Variants in COX15 observed in about 807,000 individuals in gnomAD.
The protein encoded by COX15 is cytochrome c oxidase assembly factor COX15, also known as heme A synthase COX15.
COX15 carries 51 observed loss-of-function variants against 51.9 expected under a neutral mutation model. That is an observed-to-expected ratio of 0.98 (90% CI 0.78 to 1.24). The LOEUF is 1.24. Among genes scored for constraint, COX15 ranks in the 50% most tolerant of loss-of-function variants. The pLI, the probability that COX15 is intolerant of heterozygous loss-of-function variation, is 0.00. For synonymous variants in COX15, 188 were observed against 190.5 expected, an observed-to-expected ratio of 0.99 and a Z score of 0.11; for missense variants, 420 against 501.1, an observed-to-expected ratio of 0.84 and a Z score of 1.55.
rs2036407077 is a variant in COX15 at position 99,712,010 on chromosome 10, G to C, written c.*2577C>G. 1 of 279,682 alleles carries C rather than the reference G, an allele frequency of 3.6e-6. No homozygotes were observed. The allele number at this position is 279,682 out of a possible 1,614,324, so 17.3% of individuals were successfully genotyped here. On this transcript the variant is annotated 3_prime_UTR_variant, in exon 9 of 9. Coordinates refer to ENST00000016171, the MANE Select transcript of COX15 (RefSeq NM_078470.6). The stretch of plus-strand genomic sequence containing the variant: ...ATGGTGAGAGAGAGCAAGCGAGAGA[G>C]GAGGAAGTTCCAGGCTCTTTTAAAC...
At position 99,720,459 on chromosome 10, in the gene COX15, A is replaced by G. The variant is rs935017562; in HGVS notation, c.832+528T>C. On this transcript the variant is annotated intron_variant, in intron 6 of 8. Coordinates refer to ENST00000016171, the MANE Select transcript of COX15 (RefSeq NM_078470.6). Reference sequence around the variant, plus strand: ...AGACTCAGTCTCAAAAAAAAGAATGAAAAAATCCTGTGTTGGTCTCTCTGT... The same window carrying G: ...AGACTCAGTCTCAAAAAAAAGAATGGAAAAATCCTGTGTTGGTCTCTCTGT... Among the ~76,000 whole-genome samples the G allele has an allele frequency of 9.9e-5, 15 of 152,270 alleles. No individual in the cohort carries two copies. In the East Asian group the frequency reaches 1.5e-3, roughly 16 times the overall value.
At chr10:99,709,753 A>G (rs73345141), downstream of COX15, 6,060 of 985,130 alleles carry the variant, frequency 6.2e-3, 260 homozygotes, top group African/African-American at 0.092. Context: ...TATCTTCCTT[A>G]TATCCTAATA....
At chr10:99,718,647 A>G in intron 6 of COX15, 147 bp from the exon 7 acceptor site, 1 of 823,166 alleles carries the variant, frequency 1.2e-6, no homozygotes, top group Non-Finnish European at 2.0e-6. Flanking sequence ...GGAGTTCTCC[A>G]ACAGAGAAGA....
chr10:99,698,554 G>A, the COX15 span: 2 of 1,613,944 alleles, frequency 1.2e-6, no homozygotes, highest in South Asian at 1.1e-5. Flanking sequence ...CAGAAGACAG[G>A]TCTGAGTCCC....
chr10:99,706,502 ATTT>A (rs1343712018), downstream of COX15, among the ~76,000 whole-genome samples: 1 of 42,632 alleles, frequency 2.3e-5, no homozygotes, highest in East Asian at 5.3e-4. Context: ...CACTCAGCTA[ATTT>A]TTTATTTTAT....
intron 6 of COX15, among the ~76,000 whole-genome samples, chr10:99,720,433 G>A (rs1280823605): frequency 6.6e-6 from 1 of 152,122 alleles, no homozygotes; most frequent in Admixed American, 6.6e-5. Context: ...GCAACAGAGT[G>A]AGACTCAGTC....
chr10:99,704,800 G>A, the COX15 span: 5 of 946,418 alleles, frequency 5.3e-6, no homozygotes, highest in East Asian at 7.9e-5. Flanking sequence ...ATTTGCCCTT[G>A]GAATTTCTAC....
At chr10:99,709,947 C>T (rs922613528), downstream of COX15, 10 of 985,320 alleles carry the variant, frequency 1.0e-5, no homozygotes, top group Non-Finnish European at 1.2e-5. Context: ...ACTCATACTA[C>T]AAGGGCTTTC....
downstream of COX15, among the ~76,000 whole-genome samples, chr10:99,708,044 C>T (rs2036287100): frequency 6.6e-6 from 1 of 152,020 alleles, no homozygotes; most frequent in Non-Finnish European, 1.5e-5. Flanking sequence ...TTAATCCATG[C>T]CCTCCTCTCT....
In COX15 at chr10:99,713,646, C is replaced by A; in HGVS notation, c.*941G>T. 1 of 1,004,748 alleles carries A rather than the reference C, an allele frequency of 1.0e-6. No homozygotes were observed. The highest frequency in any genetic ancestry group is 1.5e-6 in the Non-Finnish European group (1 of 689,446). The allele number at this position is 1,004,748 out of a possible 1,614,324, so 62.2% of individuals were successfully genotyped here. A position where few individuals can be genotyped will look rare whatever the true frequency, so the allele number is the denominator to read the frequency against. Reference sequence around the variant, plus strand: ...TTTATACTGTCGATTCCATTCCTCTCTCTGACCTTGTAATGTTAACAGCCT... The same window carrying A: ...TTTATACTGTCGATTCCATTCCTCTATCTGACCTTGTAATGTTAACAGCCT... On this transcript the variant is annotated 3_prime_UTR_variant, in exon 9 of 9. Transcript: ENST00000016171.
At chr10:99,720,877 G>C (rs1180743564) in intron 6 of COX15, 110 bp downstream of exon 6, 2 of 838,282 alleles carry the variant, frequency 2.4e-6, no homozygotes, top group African/African-American at 3.4e-5. Flanking sequence ...GAGAGAAACA[G>C]ATGTGAAAAG....
At chr10:99,704,319 T>G in the COX15 span, 1 of 863,836 alleles carries the variant, frequency 1.2e-6, no homozygotes, top group Non-Finnish European at 1.8e-6. Flanking sequence ...GCCTGCTCTG[T>G]GGAGCTGGTG....
At chr10:99,722,973 T>A (rs745845464) in intron 5 of COX15, 2 of 152,154 alleles carry the variant, frequency 1.3e-5, no homozygotes, top group African/African-American at 2.4e-5. Flanking sequence ...CAATTTGGCT[T>A]CTCTGTGGGA....
the COX15 span, among the ~76,000 whole-genome samples, chr10:99,699,927 C>G: frequency 2.0e-5 from 3 of 146,720 alleles, no homozygotes; most frequent in African/African-American, 7.5e-5. Flanking sequence ...CTTTCTCTTT[C>G]TTTCTTACAA....
chr10:99,730,019 C>T (rs1405045147), intron 1 of COX15, among the ~76,000 whole-genome samples: 1 of 152,174 alleles, frequency 6.6e-6, no homozygotes, highest in African/African-American at 2.4e-5. Context: ...TTTTCTTTCA[C>T]CTCTAGGTCT....
rs147109253 is a variant in COX15 at position 99,716,439 on chromosome 10, A to C, written c.1010T>G (p.Ile337Ser). The C allele has an allele frequency of 1.2e-6, 2 of 1,613,384 alleles. No individual in the cohort carries two copies. Among genetic ancestry groups the C allele is most frequent in the African/African-American group, 2.7e-5 (2 of 75,022 alleles). ...RILGITSVTAITVLYFLSRRI... is the reference protein window; with the variant it reads ...RILGITSVTASTVLYFLSRRI... Reference sequence around the variant, plus strand: ...CCGAGAGAGGAAGTAGAGCACTGTAATGGCAGTGACTGAAGTGATTCCCTG... The same window carrying C: ...CCGAGAGAGGAAGTAGAGCACTGTACTGGCAGTGACTGAAGTGATTCCCTG... Residue 337 changes from isoleucine to serine, a missense_variant, in exon 8 of 9, where the codon ATT (isoleucine) becomes AGT (serine). Ile to Ser is a moderately radical substitution (Grantham distance 142). Transcript: ENST00000016171.
At chr10:99,696,121 A>G in the COX15 span, 4 of 1,612,890 alleles carry the variant, frequency 2.5e-6, no homozygotes, top group Non-Finnish European at 3.4e-6. Flanking sequence ...TAACAAAAAC[A>G]GGTACATTTG....
At chr10:99,698,638 A>C in the COX15 span, 1 of 1,614,200 alleles carries the variant, frequency 6.2e-7, no homozygotes, top group East Asian at 2.2e-5. Context: ...CAAGTCTTAC[A>C]TGTCCGAGGA....
Position 99,713,901 on chromosome 10 carries a change from G to A in COX15, c.*686C>T, listed in dbSNP as rs1421744314. ...TGAGAATCGCTTGAACCTGGGAAGT[G>A]GAGGTTGCAGAGTGAGCTGAGATCA... is the stretch of plus-strand genomic sequence containing the variant. On this transcript the variant is annotated 3_prime_UTR_variant, in exon 9 of 9. Coordinates refer to ENST00000016171, the MANE Select transcript of COX15 (RefSeq NM_078470.6). 1.5e-6 allele frequency: 1 copy of A among 668,888 alleles called. No individual in the cohort carries two copies. Among genetic ancestry groups the A allele is most frequent in the Non-Finnish European group, 1.9e-6 (1 of 522,416 alleles). 41.4% of individuals were successfully genotyped at this position (668,888 alleles called of 1,614,324 possible).
Sources: allele counts gnomAD v4.1 joint callset (sites outside exome capture counted in the v4.1 genomes callset), GRCh38; gene constraint gnomAD v4.1.1; transcripts MANE v1.5; gene names NCBI Gene and HGNC (gene_info 2026-07-23, HGNC 2026-07-21).